FAM184A: variants seen among roughly 807,000 people sequenced by gnomAD.
FAM184A encodes protein FAM184A.
In FAM184A, 99 loss-of-function variants were observed where a neutral mutation model predicts 143.8. The observed-to-expected ratio is 0.69, with a 90% CI of 0.58 to 0.81. The LOEUF is 0.81. Among genes scored for constraint, FAM184A ranks in the 40% least tolerant of loss-of-function variants. FAM184A has a pLI of 0.00. For synonymous variants in FAM184A, 427 were observed against 446.4 expected, an observed-to-expected ratio of 0.96 and a Z score of 0.55; for missense variants, 1,217 against 1,310.5, an observed-to-expected ratio of 0.93 and a Z score of 1.10.
At position 119,007,883 on chromosome 6, in the gene FAM184A, G is replaced by A. The variant is rs1160855791; in HGVS notation, c.1654-1275C>T. Among the ~76,000 whole-genome samples the A allele has an allele frequency of 3.3e-5, 5 of 152,102 alleles. No individual in the cohort carries two copies. The South Asian group carries it at 6.2e-4, about 19-fold the overall frequency. ...TTGCACCTGGGAGGCAGAGGTTGCA[G>A]TGAGCGAGATTGTGCCACTGCATTC... On this transcript the variant is annotated intron_variant, in intron 6 of 17. Transcript: ENST00000338891.
chr6:119,123,059 G>A (rs1789268930), intron 1 of FAM184A, among the ~76,000 whole-genome samples: 1 of 150,906 alleles, frequency 6.6e-6, no homozygotes, highest in South Asian at 2.1e-4. Context: ...TCCATGGACT[G>A]GCCAGAACCA....
In FAM184A at chr6:119,023,815, G is replaced by C. The variant is rs1183074775; in HGVS notation, c.1014+144C>G. 9.6e-5 allele frequency: 54 copies of C among 560,668 alleles called. 1 individual carries two copies. The highest frequency in any genetic ancestry group is 3.7e-4 in the Admixed American group (9 of 24,508). 34.7% of individuals were successfully genotyped at this position (560,668 alleles called of 1,614,324 possible). A position where few individuals can be genotyped will look rare whatever the true frequency, so the allele number is the denominator to read the frequency against. The stretch of plus-strand genomic sequence containing the variant: ...GATTTTTCTCACAAAGGAAAAGCAG[G>C]AAAAGTTAAAAAAAAAAAAAAAAAA... On this transcript the variant is annotated intron_variant, in intron 2 of 17. Transcript: ENST00000338891.
At chr6:119,119,266 T>C (rs781045869) in intron 1 of FAM184A, among the ~76,000 whole-genome samples, 5 of 152,248 alleles carry the variant, frequency 3.3e-5, no homozygotes, top group Non-Finnish European at 7.3e-5. Context: ...ATTTGCCTTG[T>C]GATAGTGTAT....
At chr6:118,988,670 G>A (rs1784267022) in intron 9 of FAM184A, among the ~76,000 whole-genome samples, 1 of 152,154 alleles carries the variant, frequency 6.6e-6, no homozygotes, top group Non-Finnish European at 1.5e-5. Flanking sequence ...GGGAAAGGAA[G>A]AAGAGACACC....
chr6:119,129,790 T>C (rs926769873), intron 1 of FAM184A, among the ~76,000 whole-genome samples: 6 of 152,186 alleles, frequency 3.9e-5, no homozygotes, highest in African/African-American at 1.4e-4. Context: ...AGAGCAATTT[T>C]AGGTTCACAG....
intron 1 of FAM184A, among the ~76,000 whole-genome samples, chr6:119,100,849 C>T (rs1788619860): frequency 6.6e-6 from 1 of 151,726 alleles, no homozygotes. Context: ...GTCCCAGCTA[C>T]TTGGGAGGCT....
intron 14 of FAM184A, 131 bp downstream of exon 14, chr6:118,974,297 A>T (rs1469799077): frequency 1.3e-6 from 1 of 741,774 alleles, no homozygotes; most frequent in Non-Finnish European, 2.1e-6. Flanking sequence ...TACCATCTGT[A>T]ACACAGCACT....
rs1189865476 is a variant in FAM184A at position 118,969,993 on chromosome 6, A to ATAAAAT, written c.2916-3042_2916-3041insATTTTA. 3.4e-3 allele frequency among the ~76,000 whole-genome samples: 82 copies of ATAAAAT among 24,230 alleles called. 7 individuals carry two copies. The highest frequency in any genetic ancestry group is 4.9e-3 in the Non-Finnish European group (62 of 12,738). 15.9% of individuals were successfully genotyped at this position (24,230 alleles called of 152,430 possible). ...AAATTGTTTGGGTGTATATATATAT[A>ATAAAAT]ATATATATATATATATTTTTTTTTT... On this transcript the variant is annotated intron_variant, in intron 14 of 17. Coordinates refer to ENST00000338891, the MANE Select transcript of FAM184A (RefSeq NM_024581.6).
At position 119,101,871 on chromosome 6, in the gene FAM184A, C is replaced by A. The variant is rs1244825702; in HGVS notation, c.-202+47207G>T. Among the ~76,000 whole-genome samples, 10 of 152,124 alleles carry A rather than the reference C, an allele frequency of 6.6e-5. No individual in the cohort carries two copies. The East Asian group carries it at 1.9e-3, about 30-fold the overall frequency. Reference sequence around the variant, plus strand: ...AGGAGTTCAAGACCAGCCTGGACAACATGATGAAACCCTGTCTGTACTAAA... The same window carrying A: ...AGGAGTTCAAGACCAGCCTGGACAAAATGATGAAACCCTGTCTGTACTAAA... On this transcript the variant is annotated intron_variant, in intron 1 of 16. Transcript: ENST00000352896.
Position 119,006,562 on chromosome 6 carries a change from C to A in FAM184A, c.1700G>T (p.Gly567Val), listed in dbSNP as rs553082410. 5.5e-5 allele frequency: 88 copies of A among 1,613,852 alleles called. No individual in the cohort carries two copies. The Admixed American group carries it at 7.0e-4, about 13-fold the overall frequency. Residue 567 changes from glycine to valine, a missense_variant, in exon 7 of 18, where the codon GGC becomes GTC. Transcript: ENST00000338891. Reference protein sequence around the residue: ...DMVRKSEQGLGSAEGLIASLQ... With the variant: ...DMVRKSEQGLVSAEGLIASLQ... Reference sequence around the variant, plus strand: ...ACTAGCAATAAGTCCTTCTGCAGAGCCAAGACCTTGTTCACTTTTCCTTAC... The same window carrying A: ...ACTAGCAATAAGTCCTTCTGCAGAGACAAGACCTTGTTCACTTTTCCTTAC...
At chr6:119,007,966 A>G (rs549490911) in intron 6 of FAM184A, among the ~76,000 whole-genome samples, 43 of 152,280 alleles carry the variant, frequency 2.8e-4, no homozygotes, top group African/African-American at 9.9e-4. Context: ...GTATTCTAGT[A>G]ACAATGTAAA....
At chr6:119,087,199 T>C (rs904541239) in intron 1 of FAM184A, among the ~76,000 whole-genome samples, 5 of 152,158 alleles carry the variant, frequency 3.3e-5, no homozygotes, top group African/African-American at 1.2e-4. Flanking sequence ...CAACAGTTAA[T>C]GGACCAAAAG....
intron 1 of FAM184A, among the ~76,000 whole-genome samples, chr6:119,144,154 T>C (rs1236982999): frequency 2.4e-5 from 3 of 122,646 alleles, no homozygotes; most frequent in African/African-American, 9.4e-5. Flanking sequence ...AGTGAAACCC[T>C]GTCTCTACTA....
chr6:119,039,117 T>C (rs1448899827), intron 1 of FAM184A, among the ~76,000 whole-genome samples: 1 of 152,210 alleles, frequency 6.6e-6, no homozygotes, highest in Non-Finnish European at 1.5e-5. Context: ...ACACACATAT[T>C]AGATCTAGGC....
chr6:119,027,456 T>G (rs1190486239), intron 1 of FAM184A, among the ~76,000 whole-genome samples: 1 of 152,184 alleles, frequency 6.6e-6, no homozygotes, highest in Non-Finnish European at 1.5e-5. Context: ...AAGACTTTTG[T>G]AATTTCCTGT....
intron 1 of FAM184A, among the ~76,000 whole-genome samples, chr6:119,039,921 G>T (rs891580366): frequency 6.6e-6 from 1 of 152,308 alleles, no homozygotes; most frequent in African/African-American, 2.4e-5. Flanking sequence ...GAAAAAGGAA[G>T]AAAGCCTCAG....
chr6:118,969,654 T>A (rs1783610371), intron 14 of FAM184A, among the ~76,000 whole-genome samples: 2 of 151,966 alleles, frequency 1.3e-5, no homozygotes, highest in Non-Finnish European at 1.5e-5. Flanking sequence ...GTGATACAGT[T>A]TTGTTTTGTT....
intron 6 of FAM184A, among the ~76,000 whole-genome samples, chr6:119,009,887 A>G (rs1411155285): frequency 6.6e-6 from 1 of 152,212 alleles, no homozygotes; most frequent in Non-Finnish European, 1.5e-5. Flanking sequence ...TCACTTACAG[A>G]AAAACTTCGT....
intron 1 of FAM184A, among the ~76,000 whole-genome samples, chr6:119,030,060 TTTCCAC>T (rs1785811121): frequency 6.6e-6 from 1 of 152,192 alleles, no homozygotes; most frequent in Non-Finnish European, 1.5e-5. Context: ...TACAGGGTTC[TTTCCAC>T]TACCACTCAT....
Sources: allele counts gnomAD v4.1 joint callset (sites outside exome capture counted in the v4.1 genomes callset), GRCh38; gene constraint gnomAD v4.1.1; transcripts MANE v1.5; gene names NCBI Gene and HGNC (gene_info 2026-07-23, HGNC 2026-07-21).